PDSS2: variants seen among roughly 807,000 people sequenced by gnomAD.
The protein encoded by PDSS2 is all trans-polyprenyl-diphosphate synthase PDSS2.
Under a neutral mutation model 44.5 loss-of-function variants are expected in PDSS2, and 31 were observed. That is an observed-to-expected ratio of 0.70 (90% CI 0.52 to 0.94). The LOEUF (loss-of-function observed/expected upper bound fraction) is 0.94. PDSS2 is among the 40% of genes least tolerant of loss of function. The probability of loss-of-function intolerance (pLI) is 0.00; values close to 1 mark genes in which losing one functional copy is unlikely to be tolerated. For missense variants in PDSS2, 452 were observed against 482.2 expected, an observed-to-expected ratio of 0.94 and a Z score of 0.59; for synonymous variants, 157 against 180.3, an observed-to-expected ratio of 0.87 and a Z score of 1.03.
chr6:107,237,871 G>A (rs1342794869), intron 4 of PDSS2, among the ~76,000 whole-genome samples: 6 of 148,968 alleles, frequency 4.0e-5, no homozygotes, highest in Admixed American at 3.4e-4. Flanking sequence ...ACTCCAGCCT[G>A]GGCTACAGAG....
At chr6:107,402,277 T>C (rs1222528677) in intron 1 of PDSS2, among the ~76,000 whole-genome samples, 2 of 144,850 alleles carry the variant, frequency 1.4e-5, no homozygotes, top group African/African-American at 2.6e-5. Context: ...AGACTCAGTC[T>C]CAAAAAAAAA....
At chr6:107,162,610 A>ATTTTTTTTTCTTTTTTTTTT (rs1554246877) in intron 7 of PDSS2, among the ~76,000 whole-genome samples, 1 of 115,564 alleles carries the variant, frequency 8.7e-6, no homozygotes, top group African/African-American at 3.5e-5. Flanking sequence ...GAATTCCCTA[A>ATTTTTTTTTCTTTTTTTTTT]TTTTTTTTTT....
chr6:107,435,281 AACACACACACACACACACACACACAC>A (rs57353175), intron 1 of PDSS2, among the ~76,000 whole-genome samples: 5 of 133,696 alleles, frequency 3.7e-5, no homozygotes, highest in Admixed American at 1.5e-4. Context: ...ACTGCCTCAA[AACACACACACACACACACACACACAC>A]ACACACACAC....
intron 1 of PDSS2, among the ~76,000 whole-genome samples, chr6:107,435,000 G>C (rs1377362283): frequency 6.6e-6 from 1 of 151,848 alleles, no homozygotes; most frequent in African/African-American, 2.4e-5. Context: ...ATTAGGGCTG[G>C]GCACAGTGAG....
intron 6 of PDSS2, among the ~76,000 whole-genome samples, chr6:107,206,830 T>G (rs1258953793): frequency 6.6e-6 from 1 of 152,194 alleles, no homozygotes; most frequent in African/African-American, 2.4e-5. Context: ...GTGGGCCATT[T>G]CTGTTATACC....
chr6:107,274,735 C>T (rs2114947527), intron 2 of PDSS2, among the ~76,000 whole-genome samples: 1 of 139,082 alleles, frequency 7.2e-6, no homozygotes, highest in Admixed American at 8.1e-5. Context: ...TGCAGGGGTG[C>T]AATCTCAGCC....
chr6:107,158,039 A>T (rs1265109329), intron 7 of PDSS2, among the ~76,000 whole-genome samples: 1 of 152,134 alleles, frequency 6.6e-6, no homozygotes, highest in African/African-American at 2.4e-5. Context: ...CTTACTGTAT[A>T]ATGCATGAAA....
chr6:107,333,129 G>A (rs1272088284), intron 2 of PDSS2, among the ~76,000 whole-genome samples: 2 of 152,062 alleles, frequency 1.3e-5, no homozygotes, highest in African/African-American at 4.8e-5. Flanking sequence ...AATCAACAAG[G>A]TCAATTAGCC....
intron 7 of PDSS2, among the ~76,000 whole-genome samples, chr6:107,189,596 C>G (rs1772299205): frequency 1.3e-5 from 2 of 152,208 alleles, no homozygotes; most frequent in Admixed American, 1.3e-4. Context: ...CATGGCCTCC[C>G]AAAGTGCTGC....
At chr6:107,208,111 C>T (rs974070001) in intron 6 of PDSS2, among the ~76,000 whole-genome samples, 7 of 147,930 alleles carry the variant, frequency 4.7e-5, no homozygotes, top group Non-Finnish European at 7.5e-5. Context: ...CTCAGCCTCC[C>T]GAGTAGCTGG....
chr6:107,212,472 T>C (rs533122445), intron 4 of PDSS2, among the ~76,000 whole-genome samples, 190 bp from the exon 5 acceptor site: 2 of 152,288 alleles, frequency 1.3e-5, no homozygotes, highest in East Asian at 3.9e-4. Flanking sequence ...TGCTTTTTTA[T>C]GGTAATAGGG....
chr6:107,435,782 T>A (rs1029596006), intron 1 of PDSS2, among the ~76,000 whole-genome samples: 2 of 152,202 alleles, frequency 1.3e-5, no homozygotes, highest in Non-Finnish European at 2.9e-5. Flanking sequence ...AGAGTATTCA[T>A]TAGACCTATC....
At chr6:107,221,958 TA>T (rs1393993740) in intron 4 of PDSS2, among the ~76,000 whole-genome samples, 1 of 152,190 alleles carries the variant, frequency 6.6e-6, no homozygotes, top group African/African-American at 2.4e-5. Context: ...CCTGTGAAGT[TA>T]AAAGTACTTT....
chr6:107,210,493 T>C lies in PDSS2; in HGVS notation c.954A>G (p.Val318=). The change falls in exon 6 of 8, where the codon GTA becomes GTG. Residue 318 remains valine (V), a synonymous_variant. Transcript: ENST00000369037. ...SMTFNLNSAP[V]VLHQEFLGRD... ...TTCCAAGAAATTCCTGATGTAAGAC[T>C]ACAGGAGCTGAGTTTAGATTAAAAG... is the stretch of plus-strand genomic sequence containing the variant. 1.9e-6 allele frequency: 3 copies of C among 1,601,298 alleles called. No individual in the cohort carries two copies. Among genetic ancestry groups the C allele is most frequent in the Non-Finnish European group, 2.6e-6 (3 of 1,168,540 alleles).
At chr6:107,303,801 T>C (rs1017960564) in intron 2 of PDSS2, among the ~76,000 whole-genome samples, 1 of 152,216 alleles carries the variant, frequency 6.6e-6, no homozygotes, top group African/African-American at 2.4e-5. Flanking sequence ...TCCATGTGCA[T>C]ATGTAGGGTA....
intron 2 of PDSS2, among the ~76,000 whole-genome samples, chr6:107,326,104 C>CTTTTTTTTT (rs1177945820): frequency 7.3e-6 from 1 of 136,236 alleles, no homozygotes; most frequent in Non-Finnish European, 1.6e-5. Flanking sequence ...TTTCTTTTTT[C>CTTTTTTTTT]TTTTTTTTTT....
At chr6:107,397,327 G>A (rs767544825) in intron 1 of PDSS2, among the ~76,000 whole-genome samples, 1 of 152,126 alleles carries the variant, frequency 6.6e-6, no homozygotes, top group Non-Finnish European at 1.5e-5. Context: ...GACTTAACAT[G>A]AATCAAGGCA....
At chr6:107,243,055 A>C (rs545193980) in intron 4 of PDSS2, among the ~76,000 whole-genome samples, 5 of 152,222 alleles carry the variant, frequency 3.3e-5, no homozygotes, top group Non-Finnish European at 7.3e-5. Flanking sequence ...TGGTGGTTCA[A>C]GTACAATCAA....
At chr6:107,383,171 C>T (rs767794109) in intron 1 of PDSS2, among the ~76,000 whole-genome samples, 8 of 151,150 alleles carry the variant, frequency 5.3e-5, no homozygotes, top group East Asian at 3.9e-4. Context: ...TGGTGGTGTG[C>T]GCCTGTAATC....
Sources: allele counts gnomAD v4.1 joint callset (sites outside exome capture counted in the v4.1 genomes callset), GRCh38; gene constraint gnomAD v4.1.1; transcripts MANE v1.5; gene names NCBI Gene and HGNC (gene_info 2026-07-23, HGNC 2026-07-21).